SHBG: variants seen among roughly 807,000 people sequenced by gnomAD.
The protein encoded by SHBG is sex hormone-binding globulin.
SHBG carries 37 observed loss-of-function variants against 41.9 expected under a neutral mutation model. The ratio of observed to expected loss-of-function variants is 0.88; its 90% CI spans 0.68 to 1.16. The LOEUF is 1.16. SHBG is among the 50% of genes most tolerant of loss of function. The pLI, the probability that SHBG is intolerant of heterozygous loss-of-function variation, is 0.00. For missense variants in SHBG, 466 were observed against 499.9 expected, an observed-to-expected ratio of 0.93 and a Z score of 0.65; for synonymous variants, 217 against 205.8, an observed-to-expected ratio of 1.05 and a Z score of -0.47.
chr17:7,615,505 A>T (rs1278531107), intron 1 of SHBG, among the ~76,000 whole-genome samples: 3 of 152,220 alleles, frequency 2.0e-5, no homozygotes, highest in Non-Finnish European at 4.4e-5. Context: ...AGATTGTGAT[A>T]CAATGAAAGT....
At chr17:7,626,605 C>T, upstream of SHBG, 5 of 1,612,790 alleles carry the variant, frequency 3.1e-6, no homozygotes, top group Non-Finnish European at 4.2e-6. Context: ...CAGCCCTTAT[C>T]CAAGGCCACC....
chr17:7,631,707 T>G lies in SHBG; in HGVS notation c.674T>G (p.Ile225Arg), dbSNP rs1459137224. 1 of 1,614,114 alleles carries G rather than the reference T, an allele frequency of 6.2e-7. No individual in the cohort carries two copies. The highest frequency in any genetic ancestry group is 8.5e-7 in the Non-Finnish European group (1 of 1,179,964). ...TGTGATGTAGAATCAAATCCCGGGA[T>G]ATTTCTCCCTCCAGGGACTCAGGCA... ...RSCDVESNPG[I>R]FLPPGTQAEF... Residue 225 changes from isoleucine (I) to arginine (R), a missense_variant, in exon 5 of 8, where the codon ATA becomes AGA. Transcript: ENST00000380450.
rs775654480 is a variant in SHBG at position 7,631,248 on chromosome 17, G to A, written c.442G>A (p.Glu148Lys). 1.9e-6 allele frequency: 3 copies of A among 1,606,124 alleles called. No individual in the cohort carries two copies. The South Asian group carries it at 3.3e-5, about 18-fold the overall frequency. ...CTCTGTGCTGCTGGAGGTGGATGGG[G>A]AGGAGGTGCTGCGCCTGAGACAGGT... Reference protein sequence around the residue: ...GDSVLLEVDGEEVLRLRQVSG... With the variant: ...GDSVLLEVDGKEVLRLRQVSG... The change falls in exon 4 of 8, where the codon GAG becomes AAG. Residue 148 changes from glutamate to lysine, a missense_variant. Transcript: ENST00000380450.
At chr17:7,614,682 C>T (rs1336759830) in intron 1 of SHBG, 1 of 354,040 alleles carries the variant, frequency 2.8e-6, no homozygotes, top group African/African-American at 2.2e-5. Flanking sequence ...GCGGCCCTGC[C>T]ACAGCCAACG....
Position 7,630,923 on chromosome 17 carries a change from G to A in SHBG, c.393+54G>A. The A allele has an allele frequency of 6.4e-7, 1 of 1,557,290 alleles. No individual in the cohort carries two copies. The highest frequency in any genetic ancestry group is 8.8e-7 in the Non-Finnish European group (1 of 1,134,832). ...GATGTCTGGAGCTGGTCTGAGGAAA[G>A]GGAACAAAACCAAGTTATTGGGCAT... On this transcript the variant is annotated intron_variant, in intron 3 of 7. Coordinates refer to ENST00000380450, the MANE Select transcript of SHBG (RefSeq NM_001040.5). This position sits in a 1 kb window ranked among gnomAD's most constrained non-coding sequence, Gnocchi z 4.6.
intron 1 of SHBG, chr17:7,614,190 A>C: frequency 1.5e-6 from 1 of 669,786 alleles, no homozygotes. Flanking sequence ...GGGGAGCGCC[A>C]AGCCAGGGAC....
chr17:7,630,628 G>C lies in SHBG; in HGVS notation c.204-52G>C, dbSNP rs2072373989. 2 of 1,568,538 alleles carry C rather than the reference G, an allele frequency of 1.3e-6. No homozygotes were observed. The highest frequency in any genetic ancestry group is 1.1e-5 in the South Asian group (1 of 89,796). Reference sequence around the variant, plus strand: ...ACACCATCTCCCCCAAACCCACACTGGTTCTCAAAGGACACATGACATACA... The same window carrying C: ...ACACCATCTCCCCCAAACCCACACTCGTTCTCAAAGGACACATGACATACA... On this transcript the variant is annotated intron_variant, in intron 2 of 7. Coordinates refer to ENST00000380450, the MANE Select transcript of SHBG (RefSeq NM_001040.5). This position sits in a 1 kb window ranked among gnomAD's most constrained non-coding sequence, Gnocchi z 4.6.
chr17:7,619,711 C>CA (rs36022075), intron 1 of SHBG, among the ~76,000 whole-genome samples: 5,001 of 77,894 alleles, frequency 0.064, 140 homozygotes, highest in African/African-American at 0.13. Context: ...AACTTCGTCT[C>CA]AAAAAAAAAA....
upstream of SHBG, chr17:7,627,521 C>A (rs774048348): frequency 1.9e-6 from 3 of 1,602,640 alleles, no homozygotes; most frequent in Admixed American, 1.7e-5. The surrounding 1 kb of genome is among the most constrained non-coding windows in gnomAD (Gnocchi z 4.8). Context: ...TACGACCCCG[C>A]TCTGGCCGCG....
At chr17:7,628,583 T>A (rs1014146858), upstream of SHBG, among the ~76,000 whole-genome samples, 4 of 151,998 alleles carry the variant, frequency 2.6e-5, no homozygotes, top group African/African-American at 9.7e-5. Flanking sequence ...GTAGCTGGGA[T>A]TACAGGCATG....
chr17:7,633,077 A>T (rs1444285391), intron 7 of SHBG, 118 bp downstream of exon 7: 7 of 1,407,906 alleles, frequency 5.0e-6, no homozygotes, highest in Non-Finnish European at 7.0e-6. Context: ...CACAAGAAGA[A>T]GATATGGGGG....
upstream of SHBG, chr17:7,628,226 G>A (rs567079199): frequency 1.9e-5 from 6 of 314,270 alleles, no homozygotes; most frequent in Middle Eastern, 4.8e-4. Context: ...ACCTCTTGGG[G>A]GCATTTGCAT....
At chr17:7,626,333 C>T, upstream of SHBG, 2 of 1,196,538 alleles carry the variant, frequency 1.7e-6, no homozygotes, top group Non-Finnish European at 1.2e-6. Flanking sequence ...GCACCCCTAA[C>T]CCTCCTTCCT....
chr17:7,626,234 T>A, upstream of SHBG: 1 of 497,510 alleles, frequency 2.0e-6, no homozygotes, highest in Non-Finnish European at 3.6e-6. Context: ...CAACACCACA[T>A]CAGGACATGT....
chr17:7,629,362 A>G (rs1268623381), upstream of SHBG, among the ~76,000 whole-genome samples: 1 of 148,532 alleles, frequency 6.7e-6, no homozygotes, highest in Admixed American at 7.0e-5. Flanking sequence ...TGGGTGATAG[A>G]GCAAGACTCT....
Position 7,632,761 on chromosome 17 carries a change from T to G in SHBG, c.862T>G (p.Leu288Val), listed in dbSNP as rs767086530. 4 of 1,612,760 alleles carry G rather than the reference T, an allele frequency of 2.5e-6. No individual in the cohort carries two copies. Among genetic ancestry groups the G allele is most frequent in the Admixed American group, 1.7e-5 (1 of 60,004 alleles). The change falls in exon 7 of 8, where the codon TTG becomes GTG. Residue 288 changes from leucine to valine, a missense_variant. Leu to Val is a conservative substitution (Grantham distance 32). Coordinates refer to ENST00000380450, the MANE Select transcript of SHBG (RefSeq NM_001040.5). ...SLHLQDQKVV[L>V]SSGSGPGLDL... ...CCCACACACTCTGCAGAAGGTGGTG[T>G]TGTCTTCTGGGTCGGGGCCAGGGCT...
rs1567765565 is a variant in SHBG, at chr17:7,630,155, AG to A, written c.-17del. On this transcript the variant is annotated 5_prime_UTR_variant, in exon 1 of 8. In the 5' UTR this introduces an upstream ATG that the reference lacks. Transcript: ENST00000380450. The surrounding 1 kb of genome is among the most constrained non-coding windows in gnomAD (Gnocchi z 4.6). ...CTCCCAAGAGTTGTCTGAGCCGCCG[AG>A]TGGACAGTGGCTGATTATGGAGAGC... 1.0e-5 allele frequency: 16 copies of A among 1,601,378 alleles called. No homozygotes were observed. Among genetic ancestry groups the A allele is most frequent in the Non-Finnish European group, 1.4e-5 (16 of 1,168,626 alleles).
At chr17:7,628,818 G>A (rs1353941201), upstream of SHBG, among the ~76,000 whole-genome samples, 1 of 152,006 alleles carries the variant, frequency 6.6e-6, no homozygotes, top group Non-Finnish European at 1.5e-5. Context: ...CATTTTGGGA[G>A]GCAGAGGCAG....
At chr17:7,623,849 C>A (rs2072142727), upstream of SHBG, among the ~76,000 whole-genome samples, 1 of 152,044 alleles carries the variant, frequency 6.6e-6, no homozygotes, top group African/African-American at 2.4e-5. Context: ...TCAGCCTCGA[C>A]CTCTAGGGTT....
Sources: allele counts gnomAD v4.1 joint callset (sites outside exome capture counted in the v4.1 genomes callset), GRCh38; gene constraint gnomAD v4.1.1; non-coding constraint Gnocchi (gnomAD v3.1); transcripts MANE v1.5; gene names NCBI Gene and HGNC (gene_info 2026-07-23, HGNC 2026-07-21).